Variants in DNAH14 observed in about 807,000 individuals in gnomAD.
DNAH14 encodes the protein axonemal beta dynein heavy chain 14.
Under a neutral mutation model 520.9 loss-of-function variants are expected in DNAH14, and 478 were observed. The observed-to-expected ratio is 0.92, with a 90% CI of 0.85 to 0.99. The LOEUF (loss-of-function observed/expected upper bound fraction) is 0.99, where lower values mean the gene tolerates loss of function less well. DNAH14 is among the 50% of genes least tolerant of loss of function. DNAH14 has a pLI of 0.00. For synonymous variants in DNAH14, 1,581 were observed against 1,757.2 expected (o/e 0.90, Z 2.51); for missense variants, 4,831 against 5,234.5 (o/e 0.92, Z 2.38).
chr1:225,319,782 A>G (rs1275879104), intron 61 of DNAH14, among the ~76,000 whole-genome samples: 1 of 152,192 alleles, frequency 6.6e-6, no homozygotes, highest in Non-Finnish European at 1.5e-5. Context: ...ATGAGGTGAC[A>G]TTGGAGCAGA....
chr1:225,038,864 T>C, intron 12 of DNAH14, 41 bp downstream of exon 12: 1 of 1,419,778 alleles, frequency 7.0e-7, no homozygotes, highest in Non-Finnish European at 9.3e-7. Flanking sequence ...GATTTTTTGC[T>C]ATAAAATGAA....
chr1:225,363,064 T>C (rs2095511441), intron 75 of DNAH14, among the ~76,000 whole-genome samples: 1 of 152,168 alleles, frequency 6.6e-6, no homozygotes, highest in Admixed American at 6.5e-5. Context: ...TTTTTAAAAA[T>C]AATTTCACAC....
At chr1:225,154,040 A>G (rs1380812465) in intron 34 of DNAH14, among the ~76,000 whole-genome samples, 10 of 152,042 alleles carry the variant, frequency 6.6e-5, no homozygotes, top group Non-Finnish European at 1.5e-5. Context: ...CTATTCTTTA[A>G]AAAAAAGTGT....
At chr1:224,972,725 A>G (rs1033983745) in intron 7 of DNAH14, among the ~76,000 whole-genome samples, 2 of 152,128 alleles carry the variant, frequency 1.3e-5, no homozygotes, top group Non-Finnish European at 2.9e-5. Context: ...TTGGCCTCCC[A>G]AAGTGCTGGG....
rs1220529905 is a variant in DNAH14, at chr1:225,303,321, G to GA, written c.8801dup (p.Val2935GlyfsTer4). On this transcript the variant is annotated frameshift_variant, in exon 57 of 86. Coordinates refer to ENST00000682510, the MANE Select transcript of DNAH14 (RefSeq NM_001367479.1). LOFTEE classifies it high-confidence loss of function. ...TATTGTAGCTAACTCATTCTTAAAAGAAAAGGTCAATTTTGAGAACAGAGA... is the reference window on the plus strand; with the variant it reads ...TATTGTAGCTAACTCATTCTTAAAAGAAAAAGGTCAATTTTGAGAACAGAGA... 1.9e-6 allele frequency: 3 copies of GA among 1,545,474 alleles called. No individual in the cohort carries two copies. The African/African-American group carries it at 4.1e-5, about 21-fold the overall frequency.
At chr1:225,160,931 C>G (rs896205898) in intron 35 of DNAH14, among the ~76,000 whole-genome samples, 1 of 151,986 alleles carries the variant, frequency 6.6e-6, no homozygotes, top group Non-Finnish European at 1.5e-5. Flanking sequence ...CTGTTTCCAG[C>G]TTTTTTAGTA....
At chr1:225,236,831 C>T (rs1279670918) in intron 42 of DNAH14, among the ~76,000 whole-genome samples, 1 of 152,104 alleles carries the variant, frequency 6.6e-6, no homozygotes, top group African/African-American at 2.4e-5. Flanking sequence ...TTGTTTGTGT[C>T]CACTCTGATT....
At chr1:225,372,719 CAA>C (rs1003347610) in intron 77 of DNAH14, among the ~76,000 whole-genome samples, 1 of 151,982 alleles carries the variant, frequency 6.6e-6, no homozygotes, top group Admixed American at 6.5e-5. Flanking sequence ...TATTTGATTA[CAA>C]AAAACTTTTA....
At chr1:225,366,201 T>A (rs2095550880) in intron 76 of DNAH14, among the ~76,000 whole-genome samples, 1 of 152,212 alleles carries the variant, frequency 6.6e-6, no homozygotes, top group Non-Finnish European at 1.5e-5. Context: ...ATGAAATAAC[T>A]ACTCTCACAT....
chr1:224,965,544 TC>T, intron 5 of DNAH14, among the ~76,000 whole-genome samples: 1 of 152,118 alleles, frequency 6.6e-6, no homozygotes, highest in Middle Eastern at 3.4e-3. Context: ...GTGACCGTGT[TC>T]CAATAAAACT....
At chr1:225,263,503 A>G (rs994988850) in intron 46 of DNAH14, among the ~76,000 whole-genome samples, 2 of 151,784 alleles carry the variant, frequency 1.3e-5, no homozygotes, top group African/African-American at 2.4e-5. Context: ...CCTGCACTAC[A>G]TCTAATATTC....
chr1:225,094,679 C>A (rs1016872448), intron 21 of DNAH14, among the ~76,000 whole-genome samples: 3,526 of 54,112 alleles, frequency 0.065, 68 homozygotes, highest in Non-Finnish European at 0.082. Flanking sequence ...AAAAAAAAAA[C>A]AACAAAACAA....
At chr1:225,214,903 C>G (rs1040227673) in intron 41 of DNAH14, among the ~76,000 whole-genome samples, 1 of 152,064 alleles carries the variant, frequency 6.6e-6, no homozygotes, top group African/African-American at 2.4e-5. Context: ...GTGTCTCTAT[C>G]TCCTTCAGTT....
chr1:225,070,292 G>A (rs2071406069), intron 17 of DNAH14, among the ~76,000 whole-genome samples: 1 of 151,720 alleles, frequency 6.6e-6, no homozygotes, highest in African/African-American at 2.4e-5. Context: ...TTTTAGTTGT[G>A]ATGTTAGGTT....
chr1:225,013,069 G>A (rs947990592), intron 10 of DNAH14, among the ~76,000 whole-genome samples: 1 of 152,026 alleles, frequency 6.6e-6, no homozygotes, highest in African/African-American at 2.4e-5. Flanking sequence ...TTTCAGCCTT[G>A]GTGCGCTGGA....
chr1:225,318,679 TA>T lies in DNAH14; in HGVS notation c.9335+4del. 6.5e-7 allele frequency: 1 copy of T among 1,544,920 alleles called. No homozygotes were observed. Among genetic ancestry groups the T allele is most frequent in the Non-Finnish European group, 8.7e-7 (1 of 1,144,364 alleles). ...TAAAGCTGATGTCGCTGAATTAAGG[TA>T]ACTCTCCTAAGTTTCGTTTGAGTTG... On this transcript the variant is annotated splice_donor_region_variant and intron_variant, in intron 61 of 85. Coordinates refer to ENST00000682510, the MANE Select transcript of DNAH14 (RefSeq NM_001367479.1).
chr1:224,936,906 G>A (rs991212056), intron 1 of DNAH14, among the ~76,000 whole-genome samples: 2 of 151,806 alleles, frequency 1.3e-5, no homozygotes, highest in Non-Finnish European at 2.9e-5. Flanking sequence ...ATGTAAAGAT[G>A]GTTCAACATA....
intron 36 of DNAH14, among the ~76,000 whole-genome samples, chr1:225,168,516 C>A (rs1404321054): frequency 1.6e-4 from 24 of 152,190 alleles, no homozygotes; most frequent in Admixed American, 1.6e-3. Context: ...CAGTGCCTGG[C>A]TTGGAGGGTC....
Position 224,967,428 on chromosome 1 carries a change from C to A in DNAH14, c.499-3C>A. 2.0e-6 allele frequency: 3 copies of A among 1,510,958 alleles called. No individual in the cohort carries two copies. Among genetic ancestry groups the A allele is most frequent in the Non-Finnish European group, 2.6e-6 (3 of 1,137,246 alleles). The allele number at this position is 1,510,958 out of a possible 1,614,324, so 93.6% of individuals were successfully genotyped here. A position where few individuals can be genotyped will look rare whatever the true frequency, so the allele number is the denominator to read the frequency against. ...TTGTTTATTATTTTTTTTTTAATCT[C>A]AGAAACCTTTGGAAGATGATGGAGA... On this transcript the variant is annotated splice_polypyrimidine_tract_variant and splice_region_variant and intron_variant, in intron 5 of 85. Transcript: ENST00000682510.
Sources: gnomAD v4.1 joint callset for allele counts (sites outside exome capture counted in the v4.1 genomes callset) on GRCh38, gnomAD v4.1.1 for gene constraint, MANE v1.5 for transcripts, NCBI Gene and HGNC (gene_info 2026-07-23, HGNC 2026-07-21) for gene names.